The following TTC17 variants were observed in gnomAD, a reference collection of about 807,000 sequenced individuals.
TTC17 encodes the protein tetratricopeptide repeat domain 17.
TTC17 carries 58 observed loss-of-function variants against 143.8 expected under a neutral mutation model. The ratio of observed to expected loss-of-function variants is 0.40; its 90% CI spans 0.33 to 0.50. TTC17 has a LOEUF of 0.50. TTC17 is among the 20% of genes least tolerant of loss of function. TTC17 has a pLI of 0.49. For synonymous variants in TTC17, 501 were observed against 497.8 expected (o/e 1.01, Z -0.09); for missense variants, 1,273 against 1,392.5 (o/e 0.91, Z 1.37).
intron 6 of TTC17, 38 bp from the exon 7 acceptor site, chr11:43,397,309 G>C: frequency 6.3e-7 from 1 of 1,576,182 alleles, no homozygotes; most frequent in Non-Finnish European, 8.6e-7. Flanking sequence ...TTGTCAAGTG[G>C]TTCTACATAA....
At chr11:43,393,928 C>G (rs1334191884) in intron 5 of TTC17, among the ~76,000 whole-genome samples, 5 of 152,200 alleles carry the variant, frequency 3.3e-5, no homozygotes, top group Non-Finnish European at 5.9e-5. Context: ...CTCTTCCTGC[C>G]TTGCATATGG....
chr11:43,411,188 A>C (rs1223581460), intron 15 of TTC17, among the ~76,000 whole-genome samples: 1 of 152,156 alleles, frequency 6.6e-6, no homozygotes, highest in Non-Finnish European at 1.5e-5. Flanking sequence ...TTCTGACCTT[A>C]TCTCTGTGAA....
chr11:43,370,795 G>GGTTTGTTT (rs67992959), intron 1 of TTC17, among the ~76,000 whole-genome samples: 5,393 of 150,636 alleles, frequency 0.036, 148 homozygotes, highest in Non-Finnish European at 0.056. Flanking sequence ...AGAGGGGGCA[G>GGTTTGTTT]GTTTGTTTGT....
chr11:43,462,678 T>C (rs1461564229), intron 21 of TTC17, among the ~76,000 whole-genome samples: 1 of 152,184 alleles, frequency 6.6e-6, no homozygotes, highest in Non-Finnish European at 1.5e-5. Flanking sequence ...GAAAGTAATA[T>C]AGATTTAATT....
At chr11:43,365,938 A>G (rs1428149114) in intron 1 of TTC17, among the ~76,000 whole-genome samples, 4 of 151,044 alleles carry the variant, frequency 2.6e-5, no homozygotes, top group African/African-American at 9.7e-5. Flanking sequence ...GAGTATCTGC[A>G]TTCCTTTTGT....
intron 1 of TTC17, among the ~76,000 whole-genome samples, chr11:43,360,603 T>G (rs1428030875): frequency 2.0e-5 from 3 of 152,204 alleles, no homozygotes; most frequent in African/African-American, 7.2e-5. Flanking sequence ...TCCTTCCCAT[T>G]TTGGTGTCCT....
Position 43,412,952 on chromosome 11 carries a change from A to C in TTC17, c.2065-1638A>C, listed in dbSNP as rs534283316. Among the ~76,000 whole-genome samples the C allele has an allele frequency of 6.0e-5, 9 of 150,076 alleles. 1 individual carries two copies. The highest frequency in any genetic ancestry group is 1.0e-4 in the Non-Finnish European group (7 of 67,794). ...GTTTGTGTATTGATAAGTTGATTCT[A>C]ATATCTACATAGAACTGGACCTAGA... On this transcript the variant is annotated intron_variant, in intron 15 of 23. Transcript: ENST00000039989.
At chr11:43,423,571 A>C (rs1946957602) in intron 16 of TTC17, among the ~76,000 whole-genome samples, 1 of 152,172 alleles carries the variant, frequency 6.6e-6, no homozygotes, top group Non-Finnish European at 1.5e-5. Flanking sequence ...TCCTGAATTG[A>C]TTCATTTGCA....
intron 16 of TTC17, among the ~76,000 whole-genome samples, chr11:43,440,751 G>C (rs1338234671): frequency 6.6e-6 from 1 of 152,006 alleles, no homozygotes; most frequent in Non-Finnish European, 1.5e-5. Flanking sequence ...TTCTGTTTAA[G>C]AAACAAGAGG....
At chr11:43,364,039 C>T in intron 1 of TTC17, among the ~76,000 whole-genome samples, 1 of 144,178 alleles carries the variant, frequency 6.9e-6, no homozygotes, top group Non-Finnish European at 1.5e-5. Context: ...CTTCGGAGTA[C>T]AGATCCTCTT....
chr11:43,360,709 A>ATT (rs565296928), intron 1 of TTC17, among the ~76,000 whole-genome samples: 4 of 142,782 alleles, frequency 2.8e-5, no homozygotes, highest in Non-Finnish European at 3.1e-5. Flanking sequence ...GTAGAGTCTG[A>ATT]TTTTTTTTTT....
Position 43,413,178 on chromosome 11 carries a change from A to G in TTC17, c.2065-1412A>G, listed in dbSNP as rs2134618295. Among the ~76,000 whole-genome samples the G allele has an allele frequency of 2.0e-5, 3 of 152,324 alleles. No individual in the cohort carries two copies. The East Asian group carries it at 5.8e-4, about 29-fold the overall frequency. The stretch of plus-strand genomic sequence containing the variant: ...ATAGGGAATTTAGAAGTAGACCACC[A>G]TGAATATGGCCACTGGTTTATGACA... On this transcript the variant is annotated intron_variant, in intron 15 of 23. Transcript: ENST00000039989.
intron 21 of TTC17, among the ~76,000 whole-genome samples, chr11:43,487,429 G>C (rs1183981686): frequency 1.3e-5 from 2 of 151,996 alleles, no homozygotes; most frequent in Admixed American, 1.3e-4. Context: ...TACAGGTGTG[G>C]GCCACCACAC....
chr11:43,413,204 A>G (rs1374281812), intron 15 of TTC17, among the ~76,000 whole-genome samples: 1 of 152,194 alleles, frequency 6.6e-6, no homozygotes, highest in Non-Finnish European at 1.5e-5. Flanking sequence ...GTTTATGACA[A>G]AGGGGTACCT....
intron 9 of TTC17, among the ~76,000 whole-genome samples, chr11:43,400,866 A>G (rs1278674937): frequency 6.6e-5 from 10 of 152,226 alleles, no homozygotes; most frequent in African/African-American, 2.2e-4. Flanking sequence ...ACTCAATAAC[A>G]GAGAATAAAT....
At chr11:43,466,920 G>A (rs1947984552) in intron 21 of TTC17, 2 of 203,854 alleles carry the variant, frequency 9.8e-6, no homozygotes, top group Admixed American at 1.1e-4. Flanking sequence ...CTTTCCTTTT[G>A]TAGCTCAGGA....
intron 18 of TTC17, 60 bp from the exon 19 acceptor site, chr11:43,447,942 A>G (rs1947580241): frequency 1.3e-6 from 2 of 1,591,510 alleles, no homozygotes; most frequent in East Asian, 2.2e-5. Flanking sequence ...CCAGGGCATA[A>G]GGCCCTTTGG....
chr11:43,477,304 T>TTCTAATC (rs1402422516), intron 21 of TTC17, among the ~76,000 whole-genome samples: 1 of 152,200 alleles, frequency 6.6e-6, no homozygotes, highest in Admixed American at 6.5e-5. Context: ...CTTCAAACTG[T>TTCTAATC]TCTAATCTCT....
At position 43,407,515 on chromosome 11, in the gene TTC17, T is replaced by C; in HGVS notation, c.2002T>C (p.Tyr668His). The stretch of plus-strand genomic sequence containing the variant: ...CAACTTGGCCAACCTTTTGATTCAT[T>C]ACGGCCTTCATCTTGATGCCACTAA... ...LVNLANLLIH[Y>H]GLHLDATKLL... is the part of the protein sequence containing the mutation. The change falls in exon 15 of 24, where the codon TAC (tyrosine) becomes CAC (histidine). Residue 668 changes from tyrosine (Y) to histidine (H), a missense_variant. Around this residue, in one of 3 missense-constraint regions of TTC17, gnomAD observed 878 missense variants for 899.8 expected, o/e 0.98. Transcript: ENST00000039989. 1 of 1,614,036 alleles carries C rather than the reference T, an allele frequency of 6.2e-7. No individual in the cohort carries two copies. The highest frequency in any genetic ancestry group is 8.5e-7 in the Non-Finnish European group (1 of 1,179,960).
Sources: allele counts gnomAD v4.1 joint callset (sites outside exome capture counted in the v4.1 genomes callset), GRCh38; gene constraint gnomAD v4.1.1; regional missense constraint gnomAD v4.1.1; transcripts MANE v1.5; gene names NCBI Gene and HGNC (gene_info 2026-07-23, HGNC 2026-07-21).